The following PLCB4 variants were observed in gnomAD, a reference collection of about 807,000 sequenced individuals.
PLCB4 encodes the protein 1-phosphatidylinositol 4,5-bisphosphate phosphodiesterase beta-4.
A neutral mutation model predicts 178.8 loss-of-function variants in PLCB4; 77 were observed. The observed-to-expected ratio is 0.43, with a 90% confidence interval of 0.36 to 0.52. The LOEUF (loss-of-function observed/expected upper bound fraction) is 0.52. PLCB4 is among the 20% of genes least tolerant of loss of function. The pLI, the probability that PLCB4 is intolerant of heterozygous loss-of-function variation, is 0.00. For synonymous variants in PLCB4, 496 were observed against 490.8 expected, an observed-to-expected ratio of 1.01 and a Z score of -0.14; for missense variants, 1,024 against 1,453.4, an observed-to-expected ratio of 0.70 and a Z score of 4.80.
intron 3 of PLCB4, among the ~76,000 whole-genome samples, chr20:9,304,446 A>G (rs2094741636): frequency 6.6e-6 from 1 of 150,430 alleles, no homozygotes; most frequent in Non-Finnish European, 1.5e-5. Flanking sequence ...AGAGGGAAAG[A>G]AAAAAAAATG....
At chr20:9,140,567 G>A (rs1326438385) in intron 2 of PLCB4, among the ~76,000 whole-genome samples, 1 of 151,862 alleles carries the variant, frequency 6.6e-6, no homozygotes, top group African/African-American at 2.4e-5. Context: ...AGGTATTTGG[G>A]TCATGGGAGC....
chr20:9,139,678 C>T (rs1359293482), intron 2 of PLCB4, among the ~76,000 whole-genome samples: 2 of 151,890 alleles, frequency 1.3e-5, no homozygotes, highest in Admixed American at 6.6e-5. Flanking sequence ...ACTTGACTTC[C>T]CAGCAGGAGG....
chr20:9,473,943 C>T (rs944876794), intron 38 of PLCB4, among the ~76,000 whole-genome samples: 5 of 152,046 alleles, frequency 3.3e-5, no homozygotes, highest in African/African-American at 9.7e-5. Flanking sequence ...CCAGGCCGGG[C>T]GCAGTGGGCT....
intron 3 of PLCB4, among the ~76,000 whole-genome samples, chr20:9,242,652 T>C (rs2094077815): frequency 6.6e-6 from 1 of 152,228 alleles, no homozygotes; most frequent in Non-Finnish European, 1.5e-5. Flanking sequence ...TTAGGCTGTT[T>C]AGCTGGGGAT....
chr20:9,272,942 A>G (rs957818686), intron 3 of PLCB4, among the ~76,000 whole-genome samples: 2 of 150,404 alleles, frequency 1.3e-5, no homozygotes, highest in Non-Finnish European at 3.0e-5. Context: ...TGTTGGATAT[A>G]TAGAAGGTAC....
At chr20:9,124,797 C>T (rs1009484880) in intron 2 of PLCB4, among the ~76,000 whole-genome samples, 10 of 152,118 alleles carry the variant, frequency 6.6e-5, no homozygotes, top group Admixed American at 4.6e-4. Context: ...TAACATTATG[C>T]TTTTATTTGC....
intron 6 of PLCB4, 131 bp from the exon 7 acceptor site, chr20:9,338,763 T>G: frequency 1.5e-6 from 1 of 657,984 alleles, no homozygotes; most frequent in African/African-American, 1.8e-5. Context: ...TCTACAGGTT[T>G]TAGAATAATG....
chr20:9,288,781 T>A (rs2094556400), intron 3 of PLCB4, among the ~76,000 whole-genome samples: 1 of 152,002 alleles, frequency 6.6e-6, no homozygotes, highest in Admixed American at 6.6e-5. Flanking sequence ...ATAAGAACAT[T>A]GAGCTTAAAG....
intron 2 of PLCB4, among the ~76,000 whole-genome samples, chr20:9,126,026 ATG>A (rs1452296505): frequency 1.3e-5 from 2 of 151,966 alleles, no homozygotes; most frequent in African/African-American, 4.8e-5. Context: ...GTATGCATGT[ATG>A]TGTGTGTGTG....
At chr20:9,201,142 C>T (rs2093539207) in intron 2 of PLCB4, among the ~76,000 whole-genome samples, 1 of 152,090 alleles carries the variant, frequency 6.6e-6, no homozygotes, top group Non-Finnish European at 1.5e-5. Context: ...CTTGGAACAG[C>T]TAATATTTAT....
chr20:9,264,381 C>T (rs957678324), intron 3 of PLCB4, among the ~76,000 whole-genome samples: 5 of 152,088 alleles, frequency 3.3e-5, no homozygotes, highest in African/African-American at 1.2e-4. Flanking sequence ...TTGGAAAATC[C>T]ATATAAATTA....
At chr20:9,319,948 C>T (rs2147951255) in intron 4 of PLCB4, among the ~76,000 whole-genome samples, 1 of 152,196 alleles carries the variant, frequency 6.6e-6, no homozygotes, top group African/African-American at 2.4e-5. Context: ...AGGTGCTGGA[C>T]CTTGCACTTG....
chr20:9,435,612 G>A lies in PLCB4; in HGVS notation c.2577G>A (p.Lys859=). The part of the protein sequence containing the change: ...DPKKFLSITE[K]RADQMRAMGI... The stretch of plus-strand genomic sequence containing the variant: ...AGAAATTTCTCTCAATTACAGAAAA[G>A]AGAGCAGACCAAATGAGAGCTATGG... Residue 859 remains lysine (K), a synonymous_variant, in exon 29 of 40, where the codon AAG becomes AAA. Transcript: ENST00000378473. 6.2e-7 allele frequency: 1 copy of A among 1,609,412 alleles called. No individual in the cohort carries two copies. Among genetic ancestry groups the A allele is most frequent in the Non-Finnish European group, 8.5e-7 (1 of 1,176,104 alleles).
intron 2 of PLCB4, among the ~76,000 whole-genome samples, chr20:9,134,242 G>A (rs547194663): frequency 6.6e-6 from 1 of 152,176 alleles, no homozygotes; most frequent in South Asian, 2.1e-4. Context: ...CAACTTTGAG[G>A]ACAACTGATA....
intron 35 of PLCB4, among the ~76,000 whole-genome samples, chr20:9,462,238 T>A (rs1264024629): frequency 3.9e-5 from 6 of 152,116 alleles, no homozygotes; most frequent in Non-Finnish European, 8.8e-5. Flanking sequence ...AAAGTTCATC[T>A]ACACCAAAAC....
chr20:9,273,610 A>C (rs2094425150), intron 3 of PLCB4, among the ~76,000 whole-genome samples: 1 of 151,204 alleles, frequency 6.6e-6, no homozygotes, highest in African/African-American at 2.4e-5. Context: ...GTGAAGGAGG[A>C]GGAAGAGGAA....
At position 9,409,047 on chromosome 20, in the gene PLCB4, T is replaced by C. The variant is rs1385585322; in HGVS notation, c.1875-10T>C. 7 of 1,607,530 alleles carry C rather than the reference T, an allele frequency of 4.4e-6. No homozygotes were observed. The South Asian group carries it at 6.7e-5, about 15-fold the overall frequency. ...GACTCTTTTTTTCTGTTTTCCTTAA[T>C]AAGTTACAGTTATAACAAACGGCAA... On this transcript the variant is annotated splice_polypyrimidine_tract_variant and intron_variant, in intron 23 of 39. Coordinates refer to ENST00000378473, the MANE Select transcript of PLCB4 (RefSeq NM_001377142.1).
chr20:9,225,530 A>G (rs187847220), intron 3 of PLCB4, among the ~76,000 whole-genome samples: 280 of 152,238 alleles, frequency 1.8e-3, no homozygotes, highest in Non-Finnish European at 2.9e-3. Flanking sequence ...CTTGTCACAT[A>G]TTGCTTGTGA....
intron 33 of PLCB4, 31 bp from the exon 34 acceptor site, chr20:9,457,383 C>T (rs745383618): frequency 5.0e-6 from 5 of 998,962 alleles, no homozygotes; most frequent in Non-Finnish European, 8.1e-6. Context: ...TATCTAATTT[C>T]TGGCATGCAT....
Sources: allele counts gnomAD v4.1 joint callset (sites outside exome capture counted in the v4.1 genomes callset), GRCh38; gene constraint gnomAD v4.1.1; transcripts MANE v1.5; gene names NCBI Gene and HGNC (gene_info 2026-07-23, HGNC 2026-07-21).